The following F13A1 variants were observed in gnomAD, a reference collection of about 807,000 sequenced individuals.
F13A1 encodes the protein coagulation factor XIII A chain.
In F13A1, 47 loss-of-function variants were observed where a neutral mutation model predicts 80.1. The ratio of observed to expected loss-of-function variants is 0.59; its 90% CI spans 0.46 to 0.75. The LOEUF is 0.75. F13A1 is among the 30% of genes least tolerant of loss of function. The pLI is 0.00. For synonymous variants in F13A1, 349 were observed against 344.9 expected (o/e 1.01, Z -0.13); for missense variants, 817 against 930.4 (o/e 0.88, Z 1.59).
rs1319217290 is a variant in F13A1 at position 6,144,931 on chromosome 6, T to A, written c.*688A>T. The A allele has an allele frequency of 1.9e-5, 3 of 155,028 alleles. No individual in the cohort carries two copies. The highest frequency in any genetic ancestry group is 7.2e-5 in the African/African-American group (3 of 41,452). The allele number at this position is 155,028 out of a possible 1,614,324, so 9.6% of individuals were successfully genotyped here. A position where few individuals can be genotyped will look rare whatever the true frequency, so the allele number is the denominator to read the frequency against. ...CTATAAAATGCATCACAAAACTACA[T>A]TATTCAATAGACTTGAGTGTTGCAC... On this transcript the variant is annotated 3_prime_UTR_variant, in exon 15 of 15. Transcript: ENST00000264870.
intron 6 of F13A1, among the ~76,000 whole-genome samples, chr6:6,232,839 T>G (rs1757370463): frequency 6.6e-6 from 1 of 152,176 alleles, no homozygotes; most frequent in Non-Finnish European, 1.5e-5. Flanking sequence ...TTAAGTAACC[T>G]GCTCCTGAAT....
chr6:6,274,685 A>G (rs1757964502), intron 3 of F13A1, among the ~76,000 whole-genome samples: 1 of 152,260 alleles, frequency 6.6e-6, no homozygotes, highest in Non-Finnish European at 1.5e-5. Context: ...ACATTCCTAC[A>G]GCATGCCAGC....
intron 3 of F13A1, among the ~76,000 whole-genome samples, chr6:6,294,542 A>G (rs1357502275): frequency 6.8e-6 from 1 of 147,030 alleles, no homozygotes; most frequent in Non-Finnish European, 1.5e-5. Context: ...ACACACACAC[A>G]TATATATATA....
chr6:6,304,127 T>C (rs190499781), intron 3 of F13A1, among the ~76,000 whole-genome samples: 2 of 152,350 alleles, frequency 1.3e-5, no homozygotes, highest in African/African-American at 4.8e-5. Context: ...CATTTCTTTC[T>C]AATTTCTGAT....
rs147595078 is a variant in F13A1 at position 6,291,532 on chromosome 6, G to A, written c.319+13819C>T. Among the ~76,000 whole-genome samples, 9 of 152,100 alleles carry A rather than the reference G, an allele frequency of 5.9e-5. No homozygotes were observed. In the East Asian group the frequency reaches 7.7e-4, roughly 13 times the overall value. Reference sequence around the variant, plus strand: ...GACCATTAAAATTTGGAATCTACCCGAGTTCAACCAGTGTCCCCCAACTGT... The same window carrying A: ...GACCATTAAAATTTGGAATCTACCCAAGTTCAACCAGTGTCCCCCAACTGT... On this transcript the variant is annotated intron_variant, in intron 3 of 14. Coordinates refer to ENST00000264870, the MANE Select transcript of F13A1 (RefSeq NM_000129.4).
At chr6:6,218,106 C>G (rs1757131153) in intron 8 of F13A1, among the ~76,000 whole-genome samples, 1 of 152,130 alleles carries the variant, frequency 6.6e-6, no homozygotes, top group African/African-American at 2.4e-5. Flanking sequence ...TCCTATCAGA[C>G]CACACTCTCT....
At chr6:6,290,326 A>G (rs1483845805) in intron 3 of F13A1, among the ~76,000 whole-genome samples, 3 of 152,258 alleles carry the variant, frequency 2.0e-5, no homozygotes, top group African/African-American at 4.8e-5. Flanking sequence ...CACATAGACT[A>G]CAAATCTGTT....
intron 6 of F13A1, among the ~76,000 whole-genome samples, chr6:6,238,183 C>A (rs1757437792): frequency 6.6e-6 from 1 of 152,266 alleles, no homozygotes; most frequent in Non-Finnish European, 1.5e-5. Context: ...TGATTTCTGA[C>A]AAAGTCACCA....
intron 6 of F13A1, among the ~76,000 whole-genome samples, chr6:6,231,136 C>T (rs980259917): frequency 6.6e-6 from 1 of 151,798 alleles, no homozygotes; most frequent in African/African-American, 2.4e-5. Flanking sequence ...CAGGGAGGGA[C>T]CAGAGAAAAG....
intron 6 of F13A1, among the ~76,000 whole-genome samples, chr6:6,241,661 A>G (rs939881359): frequency 6.6e-6 from 1 of 152,250 alleles, no homozygotes. Flanking sequence ...GCTGCTTTAT[A>G]AACCAAAGGA....
At chr6:6,191,540 A>G (rs1403919052) in intron 10 of F13A1, among the ~76,000 whole-genome samples, 1 of 152,112 alleles carries the variant, frequency 6.6e-6, no homozygotes, top group Admixed American at 6.5e-5. Flanking sequence ...GCTTCTCAGT[A>G]AAGGTGGGGT....
At chr6:6,288,541 A>T (rs1276175237) in intron 3 of F13A1, among the ~76,000 whole-genome samples, 1 of 152,190 alleles carries the variant, frequency 6.6e-6, no homozygotes, top group Non-Finnish European at 1.5e-5. Flanking sequence ...TTGTGTCTAT[A>T]TACCACATTT....
chr6:6,201,019 T>C (rs1348094664), intron 8 of F13A1, among the ~76,000 whole-genome samples: 2 of 152,094 alleles, frequency 1.3e-5, no homozygotes, highest in African/African-American at 4.8e-5. Flanking sequence ...AATAAAACAT[T>C]TGCAACCCTG....
chr6:6,174,376 C>T (rs192549060), intron 12 of F13A1, among the ~76,000 whole-genome samples: 340 of 151,396 alleles, frequency 2.2e-3, no homozygotes, highest in Non-Finnish European at 3.2e-3. Context: ...GGTGTCAGAG[C>T]GAGATTCCAT....
chr6:6,242,312 G>A (rs572342422), intron 6 of F13A1, among the ~76,000 whole-genome samples: 34 of 152,186 alleles, frequency 2.2e-4, no homozygotes, highest in African/African-American at 7.9e-4. Flanking sequence ...AGAGTACATC[G>A]AACATCGATT....
chr6:6,229,757 C>A (rs570028827), intron 6 of F13A1, among the ~76,000 whole-genome samples: 83 of 152,324 alleles, frequency 5.4e-4, no homozygotes, highest in African/African-American at 1.9e-3. Flanking sequence ...AGAGACCCCC[C>A]CAAATACTGT....
intron 8 of F13A1, among the ~76,000 whole-genome samples, chr6:6,221,173 A>G (rs1757187461): frequency 6.6e-6 from 1 of 152,192 alleles, no homozygotes; most frequent in Non-Finnish European, 1.5e-5. Context: ...ACAGACCTTG[A>G]TAAAAATTCT....
intron 13 of F13A1, among the ~76,000 whole-genome samples, chr6:6,157,434 C>CTTTT (rs3059190): frequency 1.1e-3 from 162 of 150,530 alleles, no homozygotes; most frequent in African/African-American, 2.0e-3. Context: ...AAAATAGAAA[C>CTTTT]TTTTTTTTTT....
chr6:6,230,414 A>G (rs6903185), intron 6 of F13A1, among the ~76,000 whole-genome samples: 4,193 of 151,970 alleles, frequency 0.028, 207 homozygotes, highest in African/African-American at 0.096. Flanking sequence ...TCTCACCCCC[A>G]TCCCCCACAG....
Sources: gnomAD v4.1 joint callset for allele counts (sites outside exome capture counted in the v4.1 genomes callset) on GRCh38, gnomAD v4.1.1 for gene constraint, MANE v1.5 for transcripts, NCBI Gene and HGNC (gene_info 2026-07-23, HGNC 2026-07-21) for gene names.